SMARCA2: variants seen among roughly 807,000 people sequenced by gnomAD.
The protein encoded by SMARCA2 is SWI/SNF-related matrix-associated actin-dependent regulator of chromatin subfamily A member 2.
In SMARCA2, 61 loss-of-function variants were observed where a neutral mutation model predicts 199.8. That is an observed-to-expected ratio of 0.31 (90% CI 0.25 to 0.38). The LOEUF (loss-of-function observed/expected upper bound fraction) is 0.38. Ranked by LOEUF, SMARCA2 falls within the 10% of genes least tolerant of loss-of-function variation. The probability of loss-of-function intolerance (pLI) is 1.00; values close to 1 mark genes in which losing one functional copy is unlikely to be tolerated. For synonymous variants in SMARCA2, 935 were observed against 732.0 expected (o/e 1.28, Z -4.48); for missense variants, 1,344 against 2,012.2 (o/e 0.67, Z 6.35).
chr9:2,064,641 T>C (rs760051913), intron 9 of SMARCA2, among the ~76,000 whole-genome samples: 16 of 152,214 alleles, frequency 1.1e-4, no homozygotes, highest in Non-Finnish European at 1.8e-4. Flanking sequence ...TAGGATATCT[T>C]TGAGGACAGT....
At chr9:2,072,444 T>C (rs1821130130) in intron 10 of SMARCA2, among the ~76,000 whole-genome samples, 1 of 152,210 alleles carries the variant, frequency 6.6e-6, no homozygotes, top group Non-Finnish European at 1.5e-5. Context: ...TTTGCCAGAT[T>C]TCAGAGGAGC....
chr9:2,063,142 A>G (rs1266996036), intron 9 of SMARCA2, among the ~76,000 whole-genome samples: 3 of 152,214 alleles, frequency 2.0e-5, no homozygotes, highest in South Asian at 2.1e-4. Flanking sequence ...GAGGGGCTCT[A>G]TTTCCTTCCA....
intron 31 of SMARCA2, among the ~76,000 whole-genome samples, chr9:2,185,296 G>T (rs1419956104): frequency 1.3e-5 from 2 of 152,180 alleles, no homozygotes; most frequent in Admixed American, 1.3e-4. Flanking sequence ...TTTTGTGACT[G>T]GCTTATGCAC....
chr9:2,057,134 G>T (rs1166507119), intron 7 of SMARCA2, among the ~76,000 whole-genome samples: 1 of 152,236 alleles, frequency 6.6e-6, no homozygotes, highest in Admixed American at 6.5e-5. Context: ...AGCACAAACT[G>T]GGTGGTTGAT....
chr9:2,163,510 T>C (rs1186341146), intron 28 of SMARCA2, among the ~76,000 whole-genome samples: 1 of 152,234 alleles, frequency 6.6e-6, no homozygotes. Context: ...TCCCCTTGTA[T>C]ATTTGCCACA....
intron 26 of SMARCA2, among the ~76,000 whole-genome samples, chr9:2,122,085 T>C (rs1328561830): frequency 6.6e-6 from 1 of 152,238 alleles, no homozygotes; most frequent in Non-Finnish European, 1.5e-5. Flanking sequence ...TTTAAGCTTA[T>C]CTTATGTAAT....
rs1819930197 is a variant in SMARCA2, at chr9:2,047,650, G to A, written c.1046+166G>A. The A allele has an allele frequency of 7.1e-6, 6 of 842,288 alleles. No homozygotes were observed. The East Asian group carries it at 1.2e-4, about 16-fold the overall frequency. 52.2% of individuals were successfully genotyped at this position (842,288 alleles called of 1,614,324 possible). Reference sequence around the variant, plus strand: ...GGGGCCTTCCCGGTGCTGAGGGGAGGCACCGGGGTTTTGAAGATCAAAAGC... The same window carrying A: ...GGGGCCTTCCCGGTGCTGAGGGGAGACACCGGGGTTTTGAAGATCAAAAGC... On this transcript the variant is annotated intron_variant, in intron 5 of 33. Coordinates refer to ENST00000349721, the MANE Select transcript of SMARCA2 (RefSeq NM_003070.5).
At position 2,039,489 on chromosome 9, in the gene SMARCA2, C is replaced by G. The variant is rs1819482886; in HGVS notation, c.379C>G (p.Pro127Ala). 6.2e-7 allele frequency: 1 copy of G among 1,614,024 alleles called. No individual in the cohort carries two copies. The highest frequency in any genetic ancestry group is 1.3e-5 in the African/African-American group (1 of 74,982). ...AGGTTATATGTCACCACACCCATCT[C>G]CATTAGGAGCCCCAGAGCACGTCTC... ...SQGYMSPHPS[P>A]LGAPEHVSSP... Residue 127 changes from proline to alanine, a missense_variant, in exon 4 of 34, where the codon CCA becomes GCA. Physicochemically the swap from Pro to Ala is conservative, Grantham distance 27. Around this residue, in one of 18 missense-constraint regions of SMARCA2, gnomAD observed 275 missense variants for 247.5 expected, o/e 1.11. Coordinates refer to ENST00000349721, the MANE Select transcript of SMARCA2 (RefSeq NM_003070.5). This position sits in a 1 kb window ranked among gnomAD's most constrained non-coding sequence, Gnocchi z 4.8.
chr9:2,057,893 A>T (rs974898951), intron 7 of SMARCA2, among the ~76,000 whole-genome samples: 3 of 152,290 alleles, frequency 2.0e-5, no homozygotes, highest in East Asian at 1.9e-4. Context: ...GAGCAGAAAA[A>T]CATTACTTTT....
intron 32 of SMARCA2, among the ~76,000 whole-genome samples, chr9:2,189,843 G>A (rs1381185192): frequency 1.3e-5 from 2 of 152,152 alleles, no homozygotes; most frequent in Non-Finnish European, 2.9e-5. Context: ...TTATGTTTCT[G>A]TGGGAGATTT....
At chr9:2,030,668 C>G (rs1819025040) in intron 2 of SMARCA2, among the ~76,000 whole-genome samples, 1 of 151,874 alleles carries the variant, frequency 6.6e-6, no homozygotes, top group African/African-American at 2.4e-5. Context: ...CAGGAATACC[C>G]TGACAGACAT....
chr9:2,098,669 T>A (rs912523299), intron 21 of SMARCA2, among the ~76,000 whole-genome samples: 1 of 152,064 alleles, frequency 6.6e-6, no homozygotes, highest in African/African-American at 2.4e-5. Flanking sequence ...CATGGCTGGG[T>A]GCAGGGGGCT....
intron 9 of SMARCA2, among the ~76,000 whole-genome samples, chr9:2,067,725 A>G (rs569068410): frequency 6.6e-6 from 1 of 152,336 alleles, no homozygotes; most frequent in African/African-American, 2.4e-5. Flanking sequence ...CAGTTTGTCT[A>G]ATTGCAGAAC....
chr9:2,117,191 T>TA (rs1823250749), intron 25 of SMARCA2, among the ~76,000 whole-genome samples: 2 of 121,498 alleles, frequency 1.6e-5, no homozygotes, highest in African/African-American at 7.8e-5. Flanking sequence ...TGTCTGTATA[T>TA]TTTTTTTTTC....
intron 27 of SMARCA2, chr9:2,157,918 C>T (rs1341001345): frequency 2.5e-6 from 1 of 398,390 alleles, no homozygotes; most frequent in Non-Finnish European, 4.4e-6. Flanking sequence ...AGGGCCACGA[C>T]TGGACCCACG....
chr9:2,158,990 G>C (rs761377700), intron 27 of SMARCA2: 1 of 1,611,706 alleles, frequency 6.2e-7, no homozygotes, highest in Non-Finnish European at 8.5e-7. Flanking sequence ...TCAGTACTTT[G>C]TGTGTTTCCT....
rs1563781355 is a variant in SMARCA2, at chr9:2,119,893, A to G, written c.3762+358A>G. ...CAGGCCTCGCGGTCTACAGCTTACC[A>G]TAGACGCCCTCCTGTTCCCAGTTCG... is the stretch of plus-strand genomic sequence containing the variant. On this transcript the variant is annotated intron_variant, in intron 26 of 33. Transcript: ENST00000349721. The surrounding 1 kb of genome is among the most constrained non-coding windows in gnomAD (Gnocchi z 4.6). 1.3e-5 allele frequency among the ~76,000 whole-genome samples: 2 copies of G among 152,172 alleles called. No homozygotes were observed. Among genetic ancestry groups the G allele is most frequent in the African/African-American group, 4.8e-5 (2 of 41,444 alleles).
At chr9:2,023,545 G>T (rs1018027826) in intron 1 of SMARCA2, among the ~76,000 whole-genome samples, 5 of 152,178 alleles carry the variant, frequency 3.3e-5, no homozygotes, top group Non-Finnish European at 7.3e-5. Flanking sequence ...TTAGAACCCG[G>T]TGTGATTTGT....
rs1822653731 is a variant in SMARCA2 at position 2,104,203 on chromosome 9, A to G, written c.3292+34A>G. The G allele has an allele frequency of 2.5e-6, 4 of 1,585,094 alleles. No individual in the cohort carries two copies. The highest frequency in any genetic ancestry group is 1.7e-4 in the Middle Eastern group (1 of 5,958). On this transcript the variant is annotated intron_variant, in intron 23 of 33. Coordinates refer to ENST00000349721, the MANE Select transcript of SMARCA2 (RefSeq NM_003070.5). This position sits in a 1 kb window ranked among gnomAD's most constrained non-coding sequence, Gnocchi z 4.0. Reference sequence around the variant, plus strand: ...ATAAGGCATTAGGCTCGGAAGCCATACTACTGAAAATGAAGGGATAATGGG... The same window carrying G: ...ATAAGGCATTAGGCTCGGAAGCCATGCTACTGAAAATGAAGGGATAATGGG...
Sources: gnomAD v4.1 joint callset for allele counts (sites outside exome capture counted in the v4.1 genomes callset) on GRCh38, gnomAD v4.1.1 for gene constraint, gnomAD v4.1.1 regional missense constraint, Gnocchi (gnomAD v3.1) non-coding constraint, MANE v1.5 for transcripts, NCBI Gene and HGNC (gene_info 2026-07-23, HGNC 2026-07-21) for gene names.